MRPS28: variants seen among roughly 807,000 people sequenced by gnomAD.
The protein encoded by MRPS28 is mitochondrial ribosomal protein S28.
A neutral mutation model predicts 10.8 loss-of-function variants in MRPS28; 7 were observed. That is an observed-to-expected ratio of 0.65 (90% confidence interval 0.37 to 1.22). MRPS28 has a LOEUF of 1.22. MRPS28 is among the 50% of genes most tolerant of loss of function. The probability of loss-of-function intolerance (pLI) is 0.02; values close to 1 mark genes in which losing one functional copy is unlikely to be tolerated. For missense variants in MRPS28, 265 were observed against 232.9 expected (o/e 1.14, Z -0.90); for synonymous variants, 121 against 93.3 (o/e 1.30, Z -1.71).
chr8:79,943,227 T>C (rs1272809894), intron 2 of MRPS28, among the ~76,000 whole-genome samples: 1 of 152,226 alleles, frequency 6.6e-6, no homozygotes, highest in African/African-American at 2.4e-5. Context: ...TAGAAAAATC[T>C]TTAGTACTGG....
intron 2 of MRPS28, among the ~76,000 whole-genome samples, chr8:79,949,675 ATTG>A (rs1807031729): frequency 6.6e-6 from 1 of 152,196 alleles, no homozygotes; most frequent in Non-Finnish European, 1.5e-5. Flanking sequence ...GTTCATAATA[ATTG>A]TTGTTTTCCT....
Position 80,011,829 on chromosome 8 carries a change from T to A in MRPS28, c.214-8649A>T, listed in dbSNP as rs139413698. On this transcript the variant is annotated intron_variant, in intron 1 of 2. Transcript: ENST00000276585. ...GACACTAAGATACAGTAGTAGCAGA[T>A]CCAGTAGTTAAACTTTTACTGGAGA... Among the ~76,000 whole-genome samples the A allele has an allele frequency of 6.4e-3, 972 of 152,232 alleles. 7 individuals carry two copies. The highest frequency in any genetic ancestry group is 0.022 in the African/African-American group (908 of 41,534).
chr8:79,998,796 T>C (rs1808578181), intron 2 of MRPS28, among the ~76,000 whole-genome samples: 1 of 152,192 alleles, frequency 6.6e-6, no homozygotes, highest in African/African-American at 2.4e-5. Context: ...AAAACAAAAG[T>C]TATAGAACTT....
In MRPS28 at chr8:79,990,406, C is replaced by T. The variant is rs544372594; in HGVS notation, c.395+12593G>A. The stretch of plus-strand genomic sequence containing the variant: ...TAATCACCTCTTGTCTGGATTACAA[C>T]AGTCTCAGAACTGGTCTTATGGTAT... On this transcript the variant is annotated intron_variant, in intron 2 of 2. Transcript: ENST00000276585. Among the ~76,000 whole-genome samples the T allele has an allele frequency of 9.2e-5, 14 of 152,226 alleles. No homozygotes were observed. The South Asian group carries it at 2.9e-3, about 32-fold the overall frequency.
At chr8:79,948,190 T>G (rs190484388) in intron 2 of MRPS28, among the ~76,000 whole-genome samples, 2 of 152,100 alleles carry the variant, frequency 1.3e-5, no homozygotes, top group Non-Finnish European at 2.9e-5. Context: ...GGTTTCGCTG[T>G]GTTGGCCAGG....
intron 2 of MRPS28, among the ~76,000 whole-genome samples, chr8:79,973,229 CA>C (rs1404442865): frequency 6.6e-6 from 1 of 152,090 alleles, no homozygotes; most frequent in Non-Finnish European, 1.5e-5. Context: ...GGATAAGCTT[CA>C]TATATATACA....
chr8:80,029,763 T>TAAA, intron 1 of MRPS28: 1 of 1,490,342 alleles, frequency 6.7e-7, no homozygotes, highest in South Asian at 1.2e-5. Context: ...CTGGTTACCT[T>TAAA]CCCACCAGCA....
chr8:79,920,773 G>A (rs1406797646), intron 2 of MRPS28, among the ~76,000 whole-genome samples: 2 of 152,098 alleles, frequency 1.3e-5, no homozygotes, highest in African/African-American at 4.8e-5. Flanking sequence ...CTTTTGCTGT[G>A]CAGAAGCGCT....
At chr8:79,943,926 G>C (rs1449543402) in intron 2 of MRPS28, among the ~76,000 whole-genome samples, 3 of 152,030 alleles carry the variant, frequency 2.0e-5, no homozygotes, top group Non-Finnish European at 4.4e-5. Flanking sequence ...AAAAAACAAA[G>C]ACACAATATA....
chr8:79,966,172 GAAAAGAGCTACAAATCAAAAAAT>G (rs1807497676), intron 2 of MRPS28, among the ~76,000 whole-genome samples: 1 of 151,904 alleles, frequency 6.6e-6, no homozygotes, highest in African/African-American at 2.4e-5. Context: ...GCAGAAAAAA[GAAAAGAGCTACAAATCAAAAAAT>G]AAACAGAACA....
At chr8:79,946,650 G>T (rs1259600189) in intron 2 of MRPS28, among the ~76,000 whole-genome samples, 1 of 152,010 alleles carries the variant, frequency 6.6e-6, no homozygotes, top group East Asian at 1.9e-4. Flanking sequence ...GTAGGATTTT[G>T]TTCTTTTCGC....
At chr8:79,974,824 G>T (rs1807746965) in intron 2 of MRPS28, among the ~76,000 whole-genome samples, 1 of 152,114 alleles carries the variant, frequency 6.6e-6, no homozygotes, top group South Asian at 2.1e-4. Context: ...TAATTTCAAA[G>T]AGGTAGGGCA....
At position 80,003,054 on chromosome 8, in the gene MRPS28, T is replaced by C. The variant is rs749020712; in HGVS notation, c.340A>G (p.Ile114Val). 5 of 1,610,850 alleles carry C rather than the reference T, an allele frequency of 3.1e-6. No individual in the cohort carries two copies. The South Asian group carries it at 3.3e-5, about 11-fold the overall frequency. ...IFHIVENDLY[I>V]DFGGKFHCVC... ...CAATGAAACTTTCCACCAAAATCTATGTACAGATCATTCTCCACAATATGA... is the reference window on the plus strand; with the variant it reads ...CAATGAAACTTTCCACCAAAATCTACGTACAGATCATTCTCCACAATATGA... The change falls in exon 2 of 3, where the codon ATA (isoleucine) becomes GTA (valine). Residue 114 changes from isoleucine (I) to valine (V), a missense_variant. By Grantham distance (29) the Ile-to-Val change is conservative (BLOSUM62 3). Coordinates refer to ENST00000276585, the MANE Select transcript of MRPS28 (RefSeq NM_014018.3).
chr8:79,967,550 T>C (rs1382466630), intron 2 of MRPS28, among the ~76,000 whole-genome samples: 2 of 152,120 alleles, frequency 1.3e-5, no homozygotes, highest in African/African-American at 4.8e-5. Context: ...AAAGGTTTTG[T>C]TGTGAGCAAG....
At chr8:79,927,812 T>C (rs1806332815) in intron 2 of MRPS28, among the ~76,000 whole-genome samples, 1 of 152,196 alleles carries the variant, frequency 6.6e-6, no homozygotes, top group Non-Finnish European at 1.5e-5. Flanking sequence ...TAAGAGACTG[T>C]TATTGCAGTA....
intron 1 of MRPS28, 94 bp downstream of exon 1, chr8:80,029,942 C>T: frequency 6.5e-7 from 1 of 1,538,700 alleles, no homozygotes; most frequent in African/African-American, 1.4e-5. Flanking sequence ...CCTCAGCTCC[C>T]CTTCCTAAGC....
intron 2 of MRPS28, among the ~76,000 whole-genome samples, chr8:79,924,804 C>G (rs1459474677): frequency 6.6e-6 from 1 of 152,104 alleles, no homozygotes; most frequent in East Asian, 1.9e-4. Context: ...CTCGACCTGT[C>G]TAGTCTATTG....
intron 2 of MRPS28, chr8:79,957,763 G>A (rs1475756947): frequency 2.0e-5 from 3 of 151,996 alleles, no homozygotes; most frequent in Admixed American, 2.0e-4. Flanking sequence ...CAACATATGA[G>A]ACAGTACCCA....
chr8:79,920,121 C>T (rs1217749065), intron 2 of MRPS28, among the ~76,000 whole-genome samples: 11 of 152,096 alleles, frequency 7.2e-5, no homozygotes, highest in African/African-American at 2.7e-4. Context: ...GACATGAACT[C>T]ATCGTTTTTT....
Sources: gnomAD v4.1 joint callset for allele counts (sites outside exome capture counted in the v4.1 genomes callset) on GRCh38, gnomAD v4.1.1 for gene constraint, MANE v1.5 for transcripts, NCBI Gene and HGNC (gene_info 2026-07-23, HGNC 2026-07-21) for gene names.